Variants in HSD17B12 observed in about 807,000 individuals in gnomAD.
HSD17B12 encodes the protein very-long-chain 3-oxoacyl-CoA reductase.
Under a neutral mutation model 39.3 loss-of-function variants are expected in HSD17B12, and 32 were observed. The observed-to-expected ratio is 0.81, with a 90% CI of 0.61 to 1.09. HSD17B12 has a LOEUF of 1.09. Among genes scored for constraint, HSD17B12 ranks in the 50% least tolerant of loss-of-function variants. HSD17B12 has a pLI of 0.00. For missense variants in HSD17B12, 342 were observed against 382.9 expected (o/e 0.89, Z 0.89); for synonymous variants, 150 against 146.7 (o/e 1.02, Z -0.16).
intron 6 of HSD17B12, among the ~76,000 whole-genome samples, chr11:43,826,727 T>C (rs1329567373): frequency 1.3e-5 from 2 of 152,192 alleles, no homozygotes; most frequent in East Asian, 1.9e-4. Flanking sequence ...GCAATAAATA[T>C]TCTATTAGCT....
At chr11:43,726,399 G>A (rs1950220205) in intron 1 of HSD17B12, among the ~76,000 whole-genome samples, 1 of 152,172 alleles carries the variant, frequency 6.6e-6, no homozygotes, top group Admixed American at 6.5e-5. Flanking sequence ...AGCAAAGGAA[G>A]AAAGGAGAAA....
the HSD17B12 span, among the ~76,000 whole-genome samples, chr11:43,623,558 G>A: frequency 6.6e-6 from 1 of 151,742 alleles, no homozygotes; most frequent in Non-Finnish European, 1.5e-5. Context: ...CAGCTTTCTT[G>A]TCTAAAAAGA....
chr11:43,810,355 A>G (rs1951058280), intron 4 of HSD17B12, among the ~76,000 whole-genome samples: 1 of 138,480 alleles, frequency 7.2e-6, no homozygotes, highest in Admixed American at 7.9e-5. Flanking sequence ...TTAAAGCAGT[A>G]TAATTTAGAA....
chr11:43,617,262 A>C, the HSD17B12 span, among the ~76,000 whole-genome samples: 1 of 152,172 alleles, frequency 6.6e-6, no homozygotes, highest in African/African-American at 2.4e-5. Context: ...ACTGCTTGAG[A>C]AACCAGATGA....
the HSD17B12 span, among the ~76,000 whole-genome samples, chr11:43,596,989 G>T: frequency 3.3e-5 from 5 of 152,208 alleles, no homozygotes; most frequent in South Asian, 1.0e-3. Flanking sequence ...AGCAACACAG[G>T]ATAAATTAGA....
chr11:43,584,904 T>C, the HSD17B12 span, among the ~76,000 whole-genome samples: 1 of 152,326 alleles, frequency 6.6e-6, no homozygotes, highest in East Asian at 1.9e-4. Context: ...TGCATAGGAC[T>C]TCCTGTCCCA....
the HSD17B12 span, chr11:43,670,613 T>C: frequency 6.6e-6 from 1 of 152,206 alleles, no homozygotes. Context: ...CAAGGGAGTC[T>C]GGCACAGTAG....
the HSD17B12 span, among the ~76,000 whole-genome samples, chr11:43,660,919 G>A: frequency 6.6e-6 from 1 of 152,312 alleles, no homozygotes; most frequent in East Asian, 1.9e-4. Context: ...GAGGTCAGGG[G>A]TTCAAGACCA....
At chr11:43,838,543 G>C in intron 8 of HSD17B12, 145 bp downstream of exon 8, 4 of 637,626 alleles carry the variant, frequency 6.3e-6, no homozygotes. Flanking sequence ...TACCCTACTT[G>C]AGTTTCAAAA....
At chr11:43,571,743 T>C in the HSD17B12 span, among the ~76,000 whole-genome samples, 1 of 152,354 alleles carries the variant, frequency 6.6e-6, no homozygotes, top group East Asian at 1.9e-4. Flanking sequence ...TTACAGTCAC[T>C]TTCCTCCAGC....
chr11:43,582,930 A>G, the HSD17B12 span, among the ~76,000 whole-genome samples: 5 of 152,328 alleles, frequency 3.3e-5, no homozygotes, highest in African/African-American at 1.2e-4. Flanking sequence ...AGATGGAGCA[A>G]AAAGCAAAAG....
At chr11:43,559,227 C>T in the HSD17B12 span, among the ~76,000 whole-genome samples, 2 of 152,068 alleles carry the variant, frequency 1.3e-5, no homozygotes, top group Admixed American at 6.6e-5. Flanking sequence ...GATATAAATG[C>T]TGTGGGGGAA....
At chr11:43,606,213 C>T in the HSD17B12 span, among the ~76,000 whole-genome samples, 1 of 152,208 alleles carries the variant, frequency 6.6e-6, no homozygotes, top group South Asian at 2.1e-4. Context: ...TGAAGTTCTT[C>T]CTGATGTACT....
At chr11:43,619,198 G>T in the HSD17B12 span, among the ~76,000 whole-genome samples, 33 of 42,334 alleles carry the variant, frequency 7.8e-4, no homozygotes, top group South Asian at 2.2e-3. Context: ...ATATATATAT[G>T]ATATATATAT....
chr11:43,726,465 C>T (rs1016710073), intron 1 of HSD17B12, among the ~76,000 whole-genome samples: 1 of 152,178 alleles, frequency 6.6e-6, no homozygotes, highest in Non-Finnish European at 1.5e-5. Context: ...CCACAATTTC[C>T]ACAACTCTGG....
At chr11:43,839,063 T>C (rs1165314566) in intron 8 of HSD17B12, among the ~76,000 whole-genome samples, 1 of 152,130 alleles carries the variant, frequency 6.6e-6, no homozygotes, top group Admixed American at 6.6e-5. Context: ...AGATACATTG[T>C]TGAGGCATTG....
intron 3 of HSD17B12, among the ~76,000 whole-genome samples, chr11:43,789,212 T>G (rs1296412260): frequency 6.6e-6 from 1 of 152,230 alleles, no homozygotes; most frequent in African/African-American, 2.4e-5. Flanking sequence ...TGATGCTTTG[T>G]TTATATTTAT....
At chr11:43,731,595 A>C (rs1950267812) in intron 1 of HSD17B12, among the ~76,000 whole-genome samples, 1 of 152,164 alleles carries the variant, frequency 6.6e-6, no homozygotes, top group Non-Finnish European at 1.5e-5. Flanking sequence ...AAGGGTCATA[A>C]ATTTCGAAAG....
chr11:43,591,142 A>C, the HSD17B12 span, among the ~76,000 whole-genome samples: 8 of 152,164 alleles, frequency 5.3e-5, no homozygotes, highest in Admixed American at 4.6e-4. Flanking sequence ...AAATGTTTTT[A>C]ATAAATAGGT....
Sources: allele counts gnomAD v4.1 joint callset (sites outside exome capture counted in the v4.1 genomes callset), GRCh38; gene constraint gnomAD v4.1.1; transcripts MANE v1.5; gene names NCBI Gene and HGNC (gene_info 2026-07-23, HGNC 2026-07-21).